GRIN2A: variants seen among roughly 807,000 people sequenced by gnomAD.
GRIN2A encodes the protein glutamate ionotropic receptor NMDA type subunit 2A.
In GRIN2A, 22 loss-of-function variants were observed where a neutral mutation model predicts 113.4. The ratio of observed to expected loss-of-function variants is 0.19; its 90% CI spans 0.14 to 0.28. The LOEUF is 0.28. Ranked by LOEUF, GRIN2A falls within the 10% of genes least tolerant of loss-of-function variation. The pLI, the probability that GRIN2A is intolerant of heterozygous loss-of-function variation, is 1.00. For synonymous variants in GRIN2A, 827 were observed against 738.4 expected (o/e 1.12, Z -1.94); for missense variants, 1,502 against 1,887.0 (o/e 0.80, Z 3.78).
intron 8 of GRIN2A, among the ~76,000 whole-genome samples, chr16:9,833,404 T>C (rs967865750): frequency 6.6e-6 from 1 of 152,242 alleles, no homozygotes; most frequent in Non-Finnish European, 1.5e-5. Flanking sequence ...TTCAGTAGTT[T>C]GAGGAATGTT....
intron 2 of GRIN2A, among the ~76,000 whole-genome samples, chr16:9,988,440 G>A (rs936528683): frequency 6.6e-6 from 1 of 152,004 alleles, no homozygotes; most frequent in Non-Finnish European, 1.5e-5. Context: ...CAAGCTTCAA[G>A]ATACAGAACA....
chr16:9,778,949 C>T (rs1414981853), intron 11 of GRIN2A, among the ~76,000 whole-genome samples: 3 of 152,132 alleles, frequency 2.0e-5, no homozygotes, highest in Non-Finnish European at 4.4e-5. Flanking sequence ...AAAATAAGCT[C>T]AAAGATTTAT....
At chr16:9,805,459 A>C (rs2041947864) in intron 10 of GRIN2A, 2 of 152,216 alleles carry the variant, frequency 1.3e-5, no homozygotes, top group Admixed American at 6.5e-5. Context: ...TTTGATGATA[A>C]CTGAATATAT....
intron 2 of GRIN2A, chr16:9,943,215 G>T (rs991850623): frequency 6.6e-6 from 1 of 152,256 alleles, no homozygotes; most frequent in Admixed American, 6.5e-5. Flanking sequence ...TCCTTAGAAT[G>T]TGCAGCTGGG....
intron 2 of GRIN2A, chr16:10,111,417 C>T (rs375942694): frequency 3.8e-6 from 2 of 530,696 alleles, no homozygotes; most frequent in African/African-American, 1.9e-5. Context: ...GCACCGGCTA[C>T]GTGCCCCAGG....
At position 10,109,577 on chromosome 16, in the gene GRIN2A, A is replaced by G. The variant is rs1191994494; in HGVS notation, c.414+70421T>C. ...AAAAGGCAATGCATTATAACCAAGT[A>G]CGTTCACACCATGAAGGTAGGCTGA... On this transcript the variant is annotated intron_variant, in intron 2 of 12. Coordinates refer to ENST00000330684, the MANE Select transcript of GRIN2A (RefSeq NM_001134407.3). 3.3e-5 allele frequency among the ~76,000 whole-genome samples: 5 copies of G among 151,986 alleles called. No homozygotes were observed. The South Asian group carries it at 8.3e-4, about 25-fold the overall frequency.
chr16:9,920,258 C>T (rs767165275), intron 3 of GRIN2A, among the ~76,000 whole-genome samples: 7 of 152,072 alleles, frequency 4.6e-5, no homozygotes, highest in South Asian at 4.1e-4. Flanking sequence ...AATGAATGAA[C>T]GAATGAAAGA....
chr16:9,971,146 T>C (rs188988301), intron 2 of GRIN2A, among the ~76,000 whole-genome samples: 2 of 152,304 alleles, frequency 1.3e-5, no homozygotes, highest in East Asian at 3.9e-4. Context: ...CTGTTTTCTG[T>C]TATTCTTCCC....
intron 2 of GRIN2A, among the ~76,000 whole-genome samples, chr16:10,048,853 C>A (rs1310214751): frequency 6.6e-6 from 1 of 152,142 alleles, no homozygotes; most frequent in African/African-American, 2.4e-5. Flanking sequence ...GTTCCTAATG[C>A]TATTCTACAT....
At chr16:10,166,742 T>C (rs956675630) in intron 2 of GRIN2A, among the ~76,000 whole-genome samples, 1 of 152,186 alleles carries the variant, frequency 6.6e-6, no homozygotes, top group African/African-American at 2.4e-5. Context: ...ACACACTGCA[T>C]GCGTCTACCT....
rs546270877 is a variant in GRIN2A at position 9,893,020 on chromosome 16, G to A, written c.1008-1920C>T. On this transcript the variant is annotated intron_variant, in intron 3 of 12. Coordinates refer to ENST00000330684, the MANE Select transcript of GRIN2A (RefSeq NM_001134407.3). ...GAGACACTGGCCTAATGGGTCACAT[G>A]TACATCCCTGGACCAGCATGGTGCA... Among the ~76,000 whole-genome samples the A allele has an allele frequency of 7.9e-5, 12 of 151,986 alleles. No homozygotes were observed. The East Asian group carries it at 2.1e-3, about 27-fold the overall frequency.
At chr16:10,053,210 G>A (rs1422229380) in intron 2 of GRIN2A, among the ~76,000 whole-genome samples, 1 of 152,160 alleles carries the variant, frequency 6.6e-6, no homozygotes, top group Non-Finnish European at 1.5e-5. Context: ...TCCAAATTCA[G>A]CAAGAAAATC....
At chr16:9,798,220 A>C (rs1903118612) in intron 11 of GRIN2A, 57 bp downstream of exon 11, 8 of 1,432,148 alleles carry the variant, frequency 5.6e-6, no homozygotes, top group Non-Finnish European at 7.8e-6. Flanking sequence ...AGGAGCAAAC[A>C]AAGCGAGTGT....
rs1039283501 is a variant in GRIN2A, at chr16:10,152,178, T to C, written c.414+27820A>G. 3.9e-5 allele frequency among the ~76,000 whole-genome samples: 6 copies of C among 152,138 alleles called. No individual in the cohort carries two copies. In the South Asian group the frequency reaches 8.3e-4, roughly 21 times the overall value. On this transcript the variant is annotated intron_variant, in intron 2 of 12. Coordinates refer to ENST00000330684, the MANE Select transcript of GRIN2A (RefSeq NM_001134407.3). Reference sequence around the variant, plus strand: ...AAGCAGTGTAACCCAAAAATCCAGATACCAGACAGATCCAAGAATGTGGCT... The same window carrying C: ...AAGCAGTGTAACCCAAAAATCCAGACACCAGACAGATCCAAGAATGTGGCT...
chr16:9,949,388 G>A (rs1428983198), intron 2 of GRIN2A, among the ~76,000 whole-genome samples: 1 of 152,042 alleles, frequency 6.6e-6, no homozygotes, highest in Non-Finnish European at 1.5e-5. Flanking sequence ...ACAGATGGAT[G>A]GATGGATGGT....
chr16:9,893,123 A>G (rs768365332), intron 3 of GRIN2A, among the ~76,000 whole-genome samples: 5 of 152,140 alleles, frequency 3.3e-5, no homozygotes, highest in Non-Finnish European at 5.9e-5. Flanking sequence ...GAAAAGGAAA[A>G]GAGCAAATAT....
Position 9,868,370 on chromosome 16 carries a change from G to A in GRIN2A, c.1123-18409C>T, listed in dbSNP as rs569362083. On this transcript the variant is annotated intron_variant, in intron 4 of 12. Transcript: ENST00000330684. ...CAACCTCCGCCTCCCGGGTTCGAGCGATTCTTATGCCTCAGCCTCCCAAGT... is the reference window on the plus strand; with the variant it reads ...CAACCTCCGCCTCCCGGGTTCGAGCAATTCTTATGCCTCAGCCTCCCAAGT... Among the ~76,000 whole-genome samples, 17 of 152,188 alleles carry A rather than the reference G, an allele frequency of 1.1e-4. No individual in the cohort carries two copies. The South Asian group carries it at 2.5e-3, about 22-fold the overall frequency.
chr16:9,884,265 A>T (rs1217085246), intron 4 of GRIN2A, among the ~76,000 whole-genome samples: 1 of 152,308 alleles, frequency 6.6e-6, no homozygotes, highest in Non-Finnish European at 1.5e-5. Context: ...AAGCTATTGT[A>T]AGGCCAGGCG....
chr16:10,128,082 T>C (rs572626950), intron 2 of GRIN2A, among the ~76,000 whole-genome samples: 3 of 152,324 alleles, frequency 2.0e-5, no homozygotes, highest in Admixed American at 6.5e-5. Flanking sequence ...GAGCTTCCCT[T>C]GTTGGCAACG....
Sources: gnomAD v4.1 joint callset for allele counts (sites outside exome capture counted in the v4.1 genomes callset) on GRCh38, gnomAD v4.1.1 for gene constraint, MANE v1.5 for transcripts, NCBI Gene and HGNC (gene_info 2026-07-23, HGNC 2026-07-21) for gene names.